SYNE1: variants seen among roughly 807,000 people sequenced by gnomAD.
The protein encoded by SYNE1 is nesprin-1.
Under a neutral mutation model 1,111.0 loss-of-function variants are expected in SYNE1, and 616 were observed. The ratio of observed to expected loss-of-function variants is 0.55; its 90% CI spans 0.52 to 0.59. SYNE1 has a LOEUF of 0.59. Ranked by LOEUF, SYNE1 falls within the 20% of genes least tolerant of loss-of-function variation. SYNE1 has a pLI of 0.00. For missense variants in SYNE1, 10,006 were observed against 10,417.0 expected, an observed-to-expected ratio of 0.96 and a Z score of 1.72; for synonymous variants, 3,855 against 3,825.8, an observed-to-expected ratio of 1.01 and a Z score of -0.28.
In SYNE1 at chr6:152,189,345, G is replaced by T; in HGVS notation, c.23208C>A (p.Asp7736Glu). 2.5e-6 allele frequency: 4 copies of T among 1,614,052 alleles called. No homozygotes were observed. Among genetic ancestry groups the T allele is most frequent in the Non-Finnish European group, 3.4e-6 (4 of 1,179,966 alleles). Residue 7736 changes from aspartate to glutamate, a missense_variant, in exon 128 of 146, where the codon GAC (aspartate) becomes GAA (glutamate). By Grantham distance (45) the Asp-to-Glu change is conservative (BLOSUM62 2). This residue lies in a region of SYNE1 where 2,182 missense variants were observed against 2,287.8 expected (regional missense o/e 0.95). Coordinates refer to ENST00000367255, the MANE Select transcript of SYNE1 (RefSeq NM_182961.4). ...DDLTQLSLLKDTLSAYISADD... is the reference protein window; with the variant it reads ...DDLTQLSLLKETLSAYISADD... ...CAGCACTGATATAGGCAGAGAGGGT[G>T]TCCTTCAGCAGGCTCAACTGGGTCA... is the stretch of plus-strand genomic sequence containing the variant.
At chr6:152,363,127 T>C (rs1249150825) in intron 63 of SYNE1, among the ~76,000 whole-genome samples, 6 of 149,856 alleles carry the variant, frequency 4.0e-5, no homozygotes, top group Admixed American at 6.6e-5. Context: ...GTGATCTGCC[T>C]GCCTCGGCCT....
Position 152,242,435 on chromosome 6 carries a change from C to T in SYNE1, c.19698G>A (p.Met6566Ile), listed in dbSNP as rs35654757. 1.2e-6 allele frequency: 2 copies of T among 1,613,970 alleles called. No individual in the cohort carries two copies. The highest frequency in any genetic ancestry group is 1.7e-6 in the Non-Finnish European group (2 of 1,179,974). The change falls in exon 107 of 146, where the codon ATG becomes ATA. Residue 6566 changes from methionine to isoleucine, a missense_variant. Physicochemically the swap from Met to Ile is conservative, Grantham distance 10 (BLOSUM62 1). Around this residue, in one of 7 missense-constraint regions of SYNE1, gnomAD observed 2,182 missense variants for 2,287.8 expected, o/e 0.95. Coordinates refer to ENST00000367255, the MANE Select transcript of SYNE1 (RefSeq NM_182961.4). The part of the protein sequence containing the change: ...SMQELSKLQD[M>I]YDELMMIIGS... The stretch of plus-strand genomic sequence containing the variant: ...CAATGATCATCATCAGCTCATCATA[C>T]ATGTCCTAAGAAGCAGAGACCACAA...
intron 139 of SYNE1, 53 bp from the exon 140 acceptor site, chr6:152,140,214 T>A (rs1315010849): frequency 6.3e-7 from 1 of 1,580,796 alleles, no homozygotes; most frequent in Admixed American, 1.7e-5. Flanking sequence ...ATGTGATGTT[T>A]ATGAAATGCT....
intron 141 of SYNE1, among the ~76,000 whole-genome samples, chr6:152,135,692 C>T (rs1031782410): frequency 6.6e-6 from 1 of 152,202 alleles, no homozygotes; most frequent in Admixed American, 6.5e-5. Flanking sequence ...AGGCACTGTA[C>T]TAGGAGTGGG....
chr6:152,220,744 C>T, intron 119 of SYNE1, 98 bp downstream of exon 119: 1 of 1,126,486 alleles, frequency 8.9e-7, no homozygotes, highest in Admixed American at 1.7e-5. Context: ...GTAACTGTCT[C>T]ACATAGAAAG....
intron 127 of SYNE1, among the ~76,000 whole-genome samples, chr6:152,189,805 G>C (rs1485904602): frequency 6.6e-6 from 1 of 152,168 alleles, no homozygotes; most frequent in African/African-American, 2.4e-5. Flanking sequence ...GAAGGTCTTG[G>C]CTCAACGTGA....
At position 152,628,513 on chromosome 6, in the gene SYNE1, T is replaced by G. The variant is rs1234921975; in HGVS notation, c.-182A>C. ...CCAAAGACTGAACTGCTTCTTTTTC[T>G]TCTTCCGTTTTAAGACTGTCCTCTT... On this transcript the variant is annotated 5_prime_UTR_variant, in exon 3 of 146. Coordinates refer to ENST00000367255, the MANE Select transcript of SYNE1 (RefSeq NM_182961.4). 1 of 651,640 alleles carries G rather than the reference T, an allele frequency of 1.5e-6. No individual in the cohort carries two copies. The highest frequency in any genetic ancestry group is 2.7e-5 in the East Asian group (1 of 36,442). The allele number at this position is 651,640 out of a possible 1,614,324, so 40.4% of individuals were successfully genotyped here. A position where few individuals can be genotyped will look rare whatever the true frequency, so the allele number is the denominator to read the frequency against.
intron 98 of SYNE1, among the ~76,000 whole-genome samples, chr6:152,269,667 C>T (rs994001171): frequency 1.3e-5 from 2 of 152,078 alleles, no homozygotes; most frequent in African/African-American, 4.8e-5. Flanking sequence ...ATGATCATTA[C>T]CCACAATAAT....
intron 13 of SYNE1, 59 bp downstream of exon 13, chr6:152,484,776 G>A: frequency 5.1e-6 from 8 of 1,581,692 alleles, no homozygotes; most frequent in Non-Finnish European, 6.9e-6. Context: ...AATAGATGAT[G>A]AAAAATATTC....
chr6:152,155,656 CA>C (rs1354612340), intron 132 of SYNE1, among the ~76,000 whole-genome samples: 1 of 152,134 alleles, frequency 6.6e-6, no homozygotes, highest in African/African-American at 2.4e-5. Flanking sequence ...GCTTGTTTGA[CA>C]AGGGTGTATT....
chr6:152,157,773 T>A (rs886278425), intron 131 of SYNE1, among the ~76,000 whole-genome samples: 6 of 151,916 alleles, frequency 3.9e-5, no homozygotes, highest in Non-Finnish European at 7.4e-5. Context: ...TTTTTTTTTT[T>A]TTTTAGATGG....
At chr6:152,160,655 A>G (rs987733950) in intron 131 of SYNE1, among the ~76,000 whole-genome samples, 34 of 152,182 alleles carry the variant, frequency 2.2e-4, no homozygotes, top group African/African-American at 7.7e-4. Context: ...TAGCTTCCTG[A>G]AAATGGGTAC....
At chr6:152,364,105 A>G (rs992577338) in intron 63 of SYNE1, among the ~76,000 whole-genome samples, 6 of 152,152 alleles carry the variant, frequency 3.9e-5, no homozygotes, top group African/African-American at 1.4e-4. Flanking sequence ...GTGAGTGTTC[A>G]TGAGATCTGA....
At chr6:152,236,384 A>G in intron 109 of SYNE1, 81 bp from the exon 110 acceptor site, 1 of 1,003,780 alleles carries the variant, frequency 1.0e-6, no homozygotes, top group Non-Finnish European at 1.5e-6. Flanking sequence ...TGGTACCTAC[A>G]ATGTTCCCAT....
chr6:152,405,742 A>G (rs943356079), intron 45 of SYNE1, among the ~76,000 whole-genome samples: 2 of 152,206 alleles, frequency 1.3e-5, no homozygotes, highest in Non-Finnish European at 2.9e-5. Flanking sequence ...AGCTGAGGAC[A>G]CTGCGGTATC....
intron 3 of SYNE1, among the ~76,000 whole-genome samples, chr6:152,606,097 T>G (rs1233483518): frequency 6.6e-6 from 1 of 152,180 alleles, no homozygotes; most frequent in Admixed American, 6.5e-5. Context: ...GGCTTGGCAG[T>G]GCTTGGAGAG....
chr6:152,579,224 A>C (rs777097318), intron 3 of SYNE1, among the ~76,000 whole-genome samples: 1 of 152,150 alleles, frequency 6.6e-6, no homozygotes, highest in Non-Finnish European at 1.5e-5. Context: ...TGGGTGAGCT[A>C]TTGGGACTGC....
At chr6:152,145,423 G>A in intron 137 of SYNE1, 1 of 1,468,494 alleles carries the variant, frequency 6.8e-7, no homozygotes, top group Non-Finnish European at 9.5e-7. Flanking sequence ...CAGCAGATGT[G>A]CTAAGAGAGG....
chr6:152,347,663 A>G (rs1238619285), intron 72 of SYNE1, among the ~76,000 whole-genome samples: 2 of 149,438 alleles, frequency 1.3e-5, no homozygotes, highest in Non-Finnish European at 3.0e-5. Flanking sequence ...GTGCAAAAGT[A>G]GTTGTGTTTT....
Sources: allele counts gnomAD v4.1 joint callset (sites outside exome capture counted in the v4.1 genomes callset), GRCh38; gene constraint gnomAD v4.1.1; regional missense constraint gnomAD v4.1.1; transcripts MANE v1.5; gene names NCBI Gene and HGNC (gene_info 2026-07-23, HGNC 2026-07-21).